CNTN5: variants seen among roughly 807,000 people sequenced by gnomAD.
The protein encoded by CNTN5 is contactin-5.
In CNTN5, 77 loss-of-function variants were observed where a neutral mutation model predicts 129.1. The observed-to-expected ratio is 0.60, with a 90% CI of 0.50 to 0.72. The LOEUF is 0.72. Among genes scored for constraint, CNTN5 ranks in the 30% least tolerant of loss-of-function variants. CNTN5 has a pLI of 0.00. For synonymous variants in CNTN5, 509 were observed against 465.6 expected, an observed-to-expected ratio of 1.09 and a Z score of -1.20; for missense variants, 1,478 against 1,328.8, an observed-to-expected ratio of 1.11 and a Z score of -1.75.
chr11:99,889,329 TG>T (rs1206283003), intron 6 of CNTN5, among the ~76,000 whole-genome samples: 828 of 46,384 alleles, frequency 0.018, 19 homozygotes, highest in African/African-American at 0.039. Flanking sequence ...TGTGTGTGTG[TG>T]TGTGTGTGTG....
chr11:99,100,175 T>C (rs1006905439), intron 1 of CNTN5, among the ~76,000 whole-genome samples: 11 of 152,166 alleles, frequency 7.2e-5, no homozygotes, highest in Non-Finnish European at 1.5e-5. Context: ...ACCACTTATC[T>C]TTCTAAATAA....
chr11:99,492,152 A>T (rs1338883873), intron 2 of CNTN5, among the ~76,000 whole-genome samples: 3 of 152,154 alleles, frequency 2.0e-5, no homozygotes, highest in Admixed American at 6.5e-5. Flanking sequence ...TTCATGGCCC[A>T]TTGTTCAAAC....
At chr11:100,068,356 C>T (rs1446071995) in intron 10 of CNTN5, among the ~76,000 whole-genome samples, 2 of 152,110 alleles carry the variant, frequency 1.3e-5, no homozygotes, top group African/African-American at 4.8e-5. Context: ...TTCTTTGAGG[C>T]TGTGATTAAT....
At chr11:99,461,061 C>A (rs764963838) in intron 2 of CNTN5, among the ~76,000 whole-genome samples, 3 of 151,962 alleles carry the variant, frequency 2.0e-5, no homozygotes, top group African/African-American at 7.2e-5. Flanking sequence ...AAAGTTGATG[C>A]CCTCAAAACA....
At chr11:99,509,027 TG>T (rs1411484343) in intron 2 of CNTN5, among the ~76,000 whole-genome samples, 3 of 151,922 alleles carry the variant, frequency 2.0e-5, no homozygotes, top group African/African-American at 7.3e-5. Context: ...AAATATGAAG[TG>T]GGAAAAAAAT....
intron 2 of CNTN5, among the ~76,000 whole-genome samples, chr11:99,389,837 T>G (rs543859342): frequency 6.6e-6 from 1 of 152,220 alleles, no homozygotes; most frequent in Non-Finnish European, 1.5e-5. Flanking sequence ...TAGTTATTTC[T>G]TAATGATTTC....
At chr11:99,564,541 A>T (rs1359493006) in intron 3 of CNTN5, among the ~76,000 whole-genome samples, 1 of 152,238 alleles carries the variant, frequency 6.6e-6, no homozygotes, top group African/African-American at 2.4e-5. Context: ...AAAACTCTGT[A>T]AATTAATTTA....
At chr11:99,110,216 A>G (rs1341369857) in intron 1 of CNTN5, among the ~76,000 whole-genome samples, 1 of 152,116 alleles carries the variant, frequency 6.6e-6, no homozygotes, top group African/African-American at 2.4e-5. Context: ...GGAATACTCA[A>G]ATATAAAGAC....
chr11:100,263,780 C>G (rs1222080269), intron 17 of CNTN5, among the ~76,000 whole-genome samples: 8 of 152,152 alleles, frequency 5.3e-5, no homozygotes, highest in Non-Finnish European at 1.0e-4. Flanking sequence ...AGGAGATGAC[C>G]TCACCTTCAG....
chr11:100,263,519 T>C (rs1403260688), intron 17 of CNTN5, among the ~76,000 whole-genome samples: 1 of 152,184 alleles, frequency 6.6e-6, no homozygotes, highest in African/African-American at 2.4e-5. Context: ...ATAAACATAT[T>C]TATTATGCAT....
intron 6 of CNTN5, among the ~76,000 whole-genome samples, chr11:99,882,343 C>G (rs1188631374): frequency 6.6e-6 from 1 of 152,120 alleles, no homozygotes; most frequent in African/African-American, 2.4e-5. Flanking sequence ...AGAGCACACT[C>G]ACTGCCAGCC....
intron 9 of CNTN5, among the ~76,000 whole-genome samples, chr11:100,027,019 T>A (rs895922077): frequency 1.8e-4 from 27 of 150,540 alleles, no homozygotes; most frequent in African/African-American, 6.1e-4. Context: ...GATTTGGATT[T>A]AAAAAAAAAA....
At chr11:99,188,955 C>T (rs542716218) in intron 1 of CNTN5, among the ~76,000 whole-genome samples, 1 of 151,540 alleles carries the variant, frequency 6.6e-6, no homozygotes, top group African/African-American at 2.4e-5. Flanking sequence ...AAATTATTCC[C>T]CCTTTTTAAT....
Position 100,350,755 on chromosome 11 carries a change from A to G in CNTN5, c.3084A>G (p.Lys1028=). The G allele has an allele frequency of 6.2e-7, 1 of 1,608,628 alleles. No homozygotes were observed. Residue 1028 remains lysine, a synonymous_variant, in exon 24 of 25, where the codon AAA becomes AAG. Coordinates refer to ENST00000524871, the MANE Select transcript of CNTN5 (RefSeq NM_014361.4). The stretch of plus-strand genomic sequence containing the variant: ...ACAGCCAAGTTATTGAAACACAGAA[A>G]CTTCAAGCAGTAGTACCACTCCCAG... The part of the protein sequence containing the change: ...HSNSQVIETQ[K]LQAVVPLPDA...
chr11:99,266,728 C>G (rs1591443882), intron 1 of CNTN5, among the ~76,000 whole-genome samples: 1 of 152,068 alleles, frequency 6.6e-6, no homozygotes, highest in Admixed American at 6.6e-5. Context: ...AAAGCCTATG[C>G]CATTTTTTAT....
At chr11:99,196,472 A>G (rs1229316523) in intron 1 of CNTN5, among the ~76,000 whole-genome samples, 5 of 151,990 alleles carry the variant, frequency 3.3e-5, no homozygotes, top group Admixed American at 6.6e-5. Context: ...GATATTTAAT[A>G]TATTTGAAAT....
intron 16 of CNTN5, among the ~76,000 whole-genome samples, chr11:100,226,046 G>T (rs1001900074): frequency 2.6e-5 from 4 of 151,992 alleles, no homozygotes; most frequent in African/African-American, 7.2e-5. Flanking sequence ...TGTTCAGAAG[G>T]CTACTTGATC....
chr11:99,336,950 A>AT (rs972958079), intron 2 of CNTN5, among the ~76,000 whole-genome samples: 7 of 151,722 alleles, frequency 4.6e-5, no homozygotes, highest in Non-Finnish European at 8.8e-5. Context: ...TGGTGTACAG[A>AT]TTTTTTTTTA....
At chr11:99,131,681 C>T (rs1256006213) in intron 1 of CNTN5, among the ~76,000 whole-genome samples, 1 of 151,918 alleles carries the variant, frequency 6.6e-6, no homozygotes, top group Non-Finnish European at 1.5e-5. Context: ...ACACATATAC[C>T]CTCCCAAGAC....
Sources: gnomAD v4.1 joint callset for allele counts (sites outside exome capture counted in the v4.1 genomes callset) on GRCh38, gnomAD v4.1.1 for gene constraint, MANE v1.5 for transcripts, NCBI Gene and HGNC (gene_info 2026-07-23, HGNC 2026-07-21) for gene names.